Variants in SP4 observed in about 807,000 individuals in gnomAD.
SP4 encodes Sp4 transcription factor, also known as transcription factor Sp4.
Under a neutral mutation model 72.8 loss-of-function variants are expected in SP4, and 19 were observed. The observed-to-expected ratio is 0.26, with a 90% confidence interval of 0.18 to 0.38. The LOEUF (loss-of-function observed/expected upper bound fraction) is 0.38, where lower values mean the gene tolerates loss of function less well. SP4 is among the 10% of genes least tolerant of loss of function. The probability of loss-of-function intolerance (pLI) is 1.00; values close to 1 mark genes in which losing one functional copy is unlikely to be tolerated. For synonymous variants in SP4, 395 were observed against 333.1 expected (o/e 1.19, Z -2.02); for missense variants, 1,008 against 926.3 (o/e 1.09, Z -1.14).
intron 5 of SP4, among the ~76,000 whole-genome samples, chr7:21,492,498 A>G (rs973968750): frequency 3.3e-5 from 5 of 152,190 alleles, no homozygotes; most frequent in Non-Finnish European, 7.4e-5. Context: ...TATTCTGCAA[A>G]TATTCAAAAA....
intron 4 of SP4, among the ~76,000 whole-genome samples, chr7:21,479,780 T>G (rs934479053): frequency 2.0e-5 from 3 of 152,226 alleles, no homozygotes; most frequent in African/African-American, 7.2e-5. Flanking sequence ...TATTTCTGGT[T>G]GTTTAATCTT....
At chr7:21,479,000 G>A (rs944914682) in intron 4 of SP4, among the ~76,000 whole-genome samples, 5 of 151,760 alleles carry the variant, frequency 3.3e-5, no homozygotes, top group East Asian at 1.9e-4. Context: ...CCCAGGAGGC[G>A]GAGGTTGCAG....
intron 3 of SP4, among the ~76,000 whole-genome samples, chr7:21,467,391 C>T (rs1270087332): frequency 6.6e-6 from 1 of 152,014 alleles, no homozygotes; most frequent in Non-Finnish European, 1.5e-5. Flanking sequence ...TATACAACAA[C>T]TTCAAGTGTA....
rs1170347803 is a variant in SP4 at position 21,445,984 on chromosome 7, GTGTA to G, written c.1678+15145_1678+15148del. ...ATCGAGTTCATTTTGTGTATCTTAT[GTGTA>G]TGTGTGTGTGTGTGTGTGTGTGTGT... is the stretch of plus-strand genomic sequence containing the variant. On this transcript the variant is annotated intron_variant, in intron 3 of 5. Coordinates refer to ENST00000222584, the MANE Select transcript of SP4 (RefSeq NM_003112.5). Among the ~76,000 whole-genome samples the G allele has an allele frequency of 4.3e-3, 383 of 88,472 alleles. 1 individual carries two copies. The highest frequency in any genetic ancestry group is 0.017 in the South Asian group (39 of 2,356). 58.0% of individuals were successfully genotyped at this position (88,472 alleles called of 152,430 possible). A position where few individuals can be genotyped will look rare whatever the true frequency, so the allele number is the denominator to read the frequency against.
intron 3 of SP4, among the ~76,000 whole-genome samples, chr7:21,464,579 C>G (rs914741563): frequency 8.8e-6 from 1 of 114,064 alleles, no homozygotes; most frequent in Non-Finnish European, 1.7e-5. Flanking sequence ...AATCTATTTT[C>G]TATTTTTTTT....
At chr7:21,476,733 T>C (rs978767809) in intron 3 of SP4, among the ~76,000 whole-genome samples, 1 of 152,240 alleles carries the variant, frequency 6.6e-6, no homozygotes, top group African/African-American at 2.4e-5. Flanking sequence ...TTTTAGGATC[T>C]CAAAATGCTT....
intron 5 of SP4, among the ~76,000 whole-genome samples, chr7:21,506,576 G>A (rs1443633885): frequency 1.3e-5 from 2 of 152,098 alleles, no homozygotes; most frequent in Non-Finnish European, 2.9e-5. Context: ...CTCTTCCACA[G>A]TGGAAACCAT....
At position 21,429,520 on chromosome 7, in the gene SP4, C is replaced by G; in HGVS notation, c.355C>G (p.Gln119Glu). 1 of 1,614,112 alleles carries G rather than the reference C, an allele frequency of 6.2e-7. No homozygotes were observed. The highest frequency in any genetic ancestry group is 8.5e-7 in the Non-Finnish European group (1 of 1,179,954). Residue 119 changes from glutamine to glutamate, a missense_variant, in exon 3 of 6, where the codon CAA becomes GAA. Gln to Glu is a conservative substitution (Grantham distance 29). Coordinates refer to ENST00000222584, the MANE Select transcript of SP4 (RefSeq NM_003112.5). Reference sequence around the variant, plus strand: ...TGCTTCAAAAGAGAATAACGTTTCTCAACCAGCCTCTAGTTCGTCTAGTTC... The same window carrying G: ...TGCTTCAAAAGAGAATAACGTTTCTGAACCAGCCTCTAGTTCGTCTAGTTC... ...PPASKENNVS[Q>E]PASSSSSSSS... is the part of the protein sequence containing the mutation.
intron 1 of SP4, 133 bp from the exon 2 acceptor site, chr7:21,428,544 C>T: frequency 1.0e-6 from 1 of 991,788 alleles, no homozygotes; most frequent in Non-Finnish European, 1.5e-6. Flanking sequence ...CACCCCCTGC[C>T]GGTGTGCGTG....
chr7:21,475,584 G>A (rs375943724), intron 3 of SP4, among the ~76,000 whole-genome samples: 2 of 151,492 alleles, frequency 1.3e-5, no homozygotes, highest in East Asian at 1.9e-4. Context: ...AGCCTCCTGA[G>A]TAGCGAGTAG....
At chr7:21,434,111 T>C (rs1782966796) in intron 3 of SP4, among the ~76,000 whole-genome samples, 1 of 152,160 alleles carries the variant, frequency 6.6e-6, no homozygotes, top group African/African-American at 2.4e-5. Context: ...AGTACTTTCT[T>C]GGTCGGTTCA....
At chr7:21,478,960 C>T (rs1784596736) in intron 4 of SP4, among the ~76,000 whole-genome samples, 1 of 151,488 alleles carries the variant, frequency 6.6e-6, no homozygotes, top group South Asian at 2.1e-4. Context: ...CCCAGCAACT[C>T]GGGAGGCTGA....
At chr7:21,487,741 T>TTGATGA (rs201213112) in intron 5 of SP4, among the ~76,000 whole-genome samples, 2 of 139,974 alleles carry the variant, frequency 1.4e-5, no homozygotes, top group Non-Finnish European at 3.0e-5. Flanking sequence ...TTTGTTCAAG[T>TTGATGA]TGATGATGAT....
chr7:21,504,881 A>G (rs1205024085), intron 5 of SP4, among the ~76,000 whole-genome samples: 1 of 152,186 alleles, frequency 6.6e-6, no homozygotes, highest in African/African-American at 2.4e-5. Flanking sequence ...CCCCTGAGAG[A>G]CAGGATCGAG....
At chr7:21,495,650 G>A (rs1447873557) in intron 5 of SP4, among the ~76,000 whole-genome samples, 1 of 152,160 alleles carries the variant, frequency 6.6e-6, no homozygotes, top group African/African-American at 2.4e-5. Flanking sequence ...TATATTGCTG[G>A]TGGGAATGCA....
chr7:21,430,397 A>G lies in SP4; in HGVS notation c.1232A>G (p.Gln411Arg). Residue 411 changes from glutamine (Q) to arginine (R), a missense_variant, in exon 3 of 6, where the codon CAG becomes CGG. Around this residue, in one of 3 missense-constraint regions of SP4, gnomAD observed 893 missense variants for 743.3 expected, o/e 1.20. Transcript: ENST00000222584. ...QPILQQIQIQQPQQQIIQAIP... is the reference protein window; with the variant it reads ...QPILQQIQIQRPQQQIIQAIP... ...ATCTTACAGCAGATCCAGATCCAAC[A>G]GCCTCAGCAACAGATCATTCAGGCT... The G allele has an allele frequency of 6.2e-7, 1 of 1,614,202 alleles. No individual in the cohort carries two copies. Among genetic ancestry groups the G allele is most frequent in the Non-Finnish European group, 8.5e-7 (1 of 1,180,026 alleles).
At chr7:21,504,199 A>G (rs2282902) in intron 5 of SP4, among the ~76,000 whole-genome samples, 53,872 of 151,994 alleles carry the variant, frequency 0.35, 10,536 homozygotes, top group East Asian at 0.75. Flanking sequence ...TACATGAACT[A>G]TGGCTACCTC....
intron 4 of SP4, among the ~76,000 whole-genome samples, chr7:21,478,363 C>G (rs1233411233): frequency 6.6e-6 from 1 of 152,146 alleles, no homozygotes; most frequent in Admixed American, 6.5e-5. Context: ...GTTTTCATTT[C>G]TCTTGTATTT....
At chr7:21,459,222 C>T (rs973505384) in intron 3 of SP4, among the ~76,000 whole-genome samples, 7 of 152,260 alleles carry the variant, frequency 4.6e-5, no homozygotes, top group African/African-American at 7.2e-5. Context: ...CGGATTCAAG[C>T]GATTCTCCTG....
Sources: gnomAD v4.1 joint callset for allele counts (sites outside exome capture counted in the v4.1 genomes callset) on GRCh38, gnomAD v4.1.1 for gene constraint, gnomAD v4.1.1 regional missense constraint, MANE v1.5 for transcripts, NCBI Gene and HGNC (gene_info 2026-07-23, HGNC 2026-07-21) for gene names.